Variants in SPIRE2 observed in about 807,000 individuals in gnomAD.
SPIRE2 encodes the protein protein spire homolog 2.
In SPIRE2, 76 loss-of-function variants were observed where a neutral mutation model predicts 80.7. The observed-to-expected ratio is 0.94, with a 90% CI of 0.78 to 1.14. SPIRE2 has a LOEUF of 1.14. SPIRE2 is among the 50% of genes most tolerant of loss of function. The pLI is 0.00. For synonymous variants in SPIRE2, 535 were observed against 432.6 expected, an observed-to-expected ratio of 1.24 and a Z score of -2.94; for missense variants, 1,196 against 1,015.3, an observed-to-expected ratio of 1.18 and a Z score of -2.42.
intron 1 of SPIRE2, among the ~76,000 whole-genome samples, chr16:89,834,551 T>C (rs796877171): frequency 1.0e-3 from 45 of 44,440 alleles, no homozygotes; most frequent in African/African-American, 2.0e-3. Flanking sequence ...CCTGCCCGCA[T>C]TCGCGGTTGG....
At chr16:89,858,540 C>T (rs759486063) in intron 8 of SPIRE2, 33 bp downstream of exon 8, 2 of 1,514,616 alleles carry the variant, frequency 1.3e-6, no homozygotes, top group Admixed American at 4.2e-5. Flanking sequence ...GAAAAGAGAC[C>T]AGGAATGGGA....
intron 1 of SPIRE2, among the ~76,000 whole-genome samples, chr16:89,832,436 G>A (rs189260695): frequency 6.6e-6 from 1 of 152,348 alleles, no homozygotes; most frequent in Admixed American, 6.5e-5. Flanking sequence ...AGCAAGAACT[G>A]ATTGGAAAGA....
At chr16:89,835,715 C>G (rs1309109131) in intron 1 of SPIRE2, among the ~76,000 whole-genome samples, 1 of 152,284 alleles carries the variant, frequency 6.6e-6, no homozygotes, top group East Asian at 1.9e-4. Context: ...GGAAACACAC[C>G]TGGTAATTAG....
Position 89,828,491 on chromosome 16 carries a change from G to A in SPIRE2, c.-60G>A. On this transcript the variant is annotated 5_prime_UTR_variant, in exon 1 of 15. Coordinates refer to ENST00000378247, the MANE Select transcript of SPIRE2 (RefSeq NM_032451.2). The surrounding 1 kb of genome is among the most constrained non-coding windows in gnomAD (Gnocchi z 5.9). ...GGGGCGGCCAGGCTGACCCTGCGCG[G>A]CGGAAGGCGCGGCTGCATGGACGCG... 2 of 992,340 alleles carry A rather than the reference G, an allele frequency of 2.0e-6. No individual in the cohort carries two copies. The highest frequency in any genetic ancestry group is 2.4e-6 in the Non-Finnish European group (2 of 835,728). 61.5% of individuals were successfully genotyped at this position (992,340 alleles called of 1,614,324 possible). A position where few individuals can be genotyped will look rare whatever the true frequency, so the allele number is the denominator to read the frequency against.
chr16:89,870,347 T>G lies in SPIRE2; in HGVS notation c.*75T>G. ...AGGCTAGGACGCTCTGAGCTGTGCATGTACATATATACATATATAGATACA... is the reference window on the plus strand; with the variant it reads ...AGGCTAGGACGCTCTGAGCTGTGCAGGTACATATATACATATATAGATACA... On this transcript the variant is annotated 3_prime_UTR_variant, in exon 15 of 15. Transcript: ENST00000378247. 1.2e-6 allele frequency: 1 copy of G among 804,438 alleles called. No homozygotes were observed. Among genetic ancestry groups the G allele is most frequent in the South Asian group, 1.5e-5 (1 of 65,230 alleles). The allele number at this position is 804,438 out of a possible 1,614,324, so 49.8% of individuals were successfully genotyped here. A position where few individuals can be genotyped will look rare whatever the true frequency, so the allele number is the denominator to read the frequency against.
In SPIRE2 at chr16:89,858,393, C is replaced by T. The variant is rs773302781; in HGVS notation, c.1158C>T (p.Thr386=). 2.5e-6 allele frequency: 4 copies of T among 1,612,284 alleles called. No individual in the cohort carries two copies. Among genetic ancestry groups the T allele is most frequent in the Non-Finnish European group, 2.5e-6 (3 of 1,179,662 alleles). The change falls in exon 8 of 15, where the codon ACC becomes ACT. Residue 386 remains threonine, a synonymous_variant. Transcript: ENST00000378247. The part of the protein sequence containing the change: ...LNACSGDAKS[T]SCINLSVTDA... ...CCTGCTCCGGAGATGCCAAGTCCACCTCCTGCATCAACCTGTCAGTCACAG... is the reference window on the plus strand; with the variant it reads ...CCTGCTCCGGAGATGCCAAGTCCACTTCCTGCATCAACCTGTCAGTCACAG...
chr16:89,850,669 T>TGG lies in SPIRE2; in HGVS notation c.645+11_645+12dup. 2.6e-6 allele frequency: 3 copies of TGG among 1,166,140 alleles called. No homozygotes were observed. Among genetic ancestry groups the TGG allele is most frequent in the Admixed American group, 3.5e-5 (1 of 28,490 alleles). 72.2% of individuals were successfully genotyped at this position (1,166,140 alleles called of 1,614,324 possible). On this transcript the variant is annotated intron_variant, in intron 3 of 14. Coordinates refer to ENST00000378247, the MANE Select transcript of SPIRE2 (RefSeq NM_032451.2). ...TCCGGGAGGCCAAGGAGGTGAGCGG[T>TGG]GGGTGGGGGCGACCGTGGAGGGTCC...
intron 5 of SPIRE2, among the ~76,000 whole-genome samples, chr16:89,855,064 A>G (rs1244514985): frequency 2.6e-5 from 4 of 152,174 alleles, no homozygotes; most frequent in Non-Finnish European, 5.9e-5. Context: ...TTAGCCTCCC[A>G]AGTAGCTGGG....
rs1367322269 is a variant in SPIRE2 at position 89,828,577 on chromosome 16, C to A, written c.27C>A (p.Gly9=). MARAGSCG[G]AAAGAGRPEP... ...TGGCCCGGGCGGGCAGCTGCGGCGGCGCCGCGGCGGGCGCAGGGCGGCCGG... is the reference window on the plus strand; with the variant it reads ...TGGCCCGGGCGGGCAGCTGCGGCGGAGCCGCGGCGGGCGCAGGGCGGCCGG... Residue 9 remains glycine (G), a synonymous_variant, in exon 1 of 15, where the codon GGC becomes GGA. Coordinates refer to ENST00000378247, the MANE Select transcript of SPIRE2 (RefSeq NM_032451.2). The surrounding 1 kb of genome is among the most constrained non-coding windows in gnomAD (Gnocchi z 5.9). The A allele has an allele frequency of 1.7e-6, 2 of 1,166,190 alleles. No individual in the cohort carries two copies. Among genetic ancestry groups the A allele is most frequent in the African/African-American group, 1.6e-5 (1 of 61,028 alleles). The allele number at this position is 1,166,190 out of a possible 1,614,324, so 72.2% of individuals were successfully genotyped here.
At chr16:89,839,681 T>C (rs1265712789) in intron 1 of SPIRE2, among the ~76,000 whole-genome samples, 1 of 151,986 alleles carries the variant, frequency 6.6e-6, no homozygotes, top group African/African-American at 2.4e-5. Flanking sequence ...CGTGCGGGGG[T>C]TGGGCCCAAT....
intron 13 of SPIRE2, 21 bp downstream of exon 13, chr16:89,868,237 C>G (rs2041806899): frequency 6.2e-7 from 1 of 1,613,892 alleles, no homozygotes; most frequent in Non-Finnish European, 8.5e-7. Context: ...TGTGGGATCT[C>G]TGGGGTCTGA....
chr16:89,854,160 A>G, intron 3 of SPIRE2, 126 bp from the exon 4 acceptor site: 1 of 873,430 alleles, frequency 1.1e-6, no homozygotes. Flanking sequence ...CAAAATGCCC[A>G]GCTGTCTCTT....
chr16:89,853,867 C>T (rs1470448153), intron 3 of SPIRE2, among the ~76,000 whole-genome samples: 4 of 152,226 alleles, frequency 2.6e-5, no homozygotes, highest in African/African-American at 9.6e-5. Flanking sequence ...GCAGCTCATC[C>T]ACCCTCCCAT....
At chr16:89,845,732 G>T in intron 2 of SPIRE2, 2 of 628,148 alleles carry the variant, frequency 3.2e-6, no homozygotes, top group South Asian at 3.6e-5. Flanking sequence ...TCAGCCTGGT[G>T]ACCAGTGCCC....
Position 89,850,251 on chromosome 16 carries a change from C to G in SPIRE2, c.289-53C>G. On this transcript the variant is annotated intron_variant, in intron 2 of 14. Transcript: ENST00000378247. ...CCTCTGCACCCACCAGCCGCGTTCTCCCCGCCCCACCCCCCTGCAGTACCG... is the reference window on the plus strand; with the variant it reads ...CCTCTGCACCCACCAGCCGCGTTCTGCCCGCCCCACCCCCCTGCAGTACCG... The G allele has an allele frequency of 2.0e-6, 3 of 1,530,036 alleles. No individual in the cohort carries two copies. In the South Asian group the frequency reaches 3.5e-5, roughly 18 times the overall value. The allele number at this position is 1,530,036 out of a possible 1,614,324, so 94.8% of individuals were successfully genotyped here.
intron 12 of SPIRE2, among the ~76,000 whole-genome samples, chr16:89,866,206 C>A (rs1001214863): frequency 7.9e-5 from 12 of 151,960 alleles, no homozygotes; most frequent in African/African-American, 2.9e-4. Flanking sequence ...TTGATATATG[C>A]TTGGAAAAGC....
At chr16:89,841,341 T>C (rs1467112972) in intron 1 of SPIRE2, among the ~76,000 whole-genome samples, 4 of 152,138 alleles carry the variant, frequency 2.6e-5, no homozygotes, top group African/African-American at 9.7e-5. Flanking sequence ...CTAATAGACT[T>C]GATGAGAATC....
intron 1 of SPIRE2, among the ~76,000 whole-genome samples, chr16:89,844,857 A>G (rs1405893180): frequency 1.3e-5 from 2 of 152,164 alleles, no homozygotes; most frequent in Admixed American, 6.5e-5. Flanking sequence ...TGCTGGGATT[A>G]TAGGTGTGAG....
chr16:89,848,019 A>C (rs2041579987), intron 2 of SPIRE2, among the ~76,000 whole-genome samples: 1 of 152,186 alleles, frequency 6.6e-6, no homozygotes, highest in Non-Finnish European at 1.5e-5. Flanking sequence ...AATCGGAGCC[A>C]CGCGACCAGG....
Sources: allele counts gnomAD v4.1 joint callset (sites outside exome capture counted in the v4.1 genomes callset), GRCh38; gene constraint gnomAD v4.1.1; non-coding constraint Gnocchi (gnomAD v3.1); transcripts MANE v1.5; gene names NCBI Gene and HGNC (gene_info 2026-07-23, HGNC 2026-07-21).